The following SAMD3 variants were observed in gnomAD, a reference collection of about 807,000 sequenced individuals.
The protein encoded by SAMD3 is sterile alpha motif domain-containing protein 3.
In SAMD3, 63 loss-of-function variants were observed where a neutral mutation model predicts 58.5. The observed-to-expected ratio is 1.08, with a 90% CI of 0.88 to 1.33. The LOEUF is 1.33. Ranked by LOEUF, SAMD3 falls within the 40% of genes most tolerant of loss-of-function variation. The probability of loss-of-function intolerance (pLI) is 0.00; values close to 1 mark genes in which losing one functional copy is unlikely to be tolerated. For synonymous variants in SAMD3, 220 were observed against 210.3 expected (o/e 1.05, Z -0.40); for missense variants, 604 against 608.4 (o/e 0.99, Z 0.08).
chr6:130,358,460 G>A (rs1777897393), intron 1 of SAMD3, among the ~76,000 whole-genome samples: 1 of 152,272 alleles, frequency 6.6e-6, no homozygotes, highest in African/African-American at 2.4e-5. Context: ...TTCTGAAAAT[G>A]TGAAGGTGAA....
intron 1 of SAMD3, among the ~76,000 whole-genome samples, chr6:130,332,982 A>G (rs1776983021): frequency 6.6e-6 from 1 of 152,082 alleles, no homozygotes; most frequent in South Asian, 2.1e-4. Context: ...TTTAGTGATT[A>G]GAACATAATC....
intron 1 of SAMD3, among the ~76,000 whole-genome samples, chr6:130,348,266 A>T (rs1371265530): frequency 4.6e-5 from 7 of 152,236 alleles, no homozygotes; most frequent in Non-Finnish European, 8.8e-5. Flanking sequence ...TGCTCCAATT[A>T]AAAGAGACAG....
intron 8 of SAMD3, chr6:130,162,210 A>G: frequency 1.4e-6 from 1 of 699,724 alleles, no homozygotes. Context: ...CAGTAACCTA[A>G]GCTCTCACAG....
At chr6:130,343,768 C>A (rs534856263) in intron 1 of SAMD3, among the ~76,000 whole-genome samples, 15 of 152,260 alleles carry the variant, frequency 9.9e-5, no homozygotes, top group Admixed American at 2.6e-4. Context: ...GGTTTGAGAC[C>A]AGCCTAGCCA....
chr6:130,309,202 ACAGT>A (rs1326858161), intron 2 of SAMD3, among the ~76,000 whole-genome samples: 11 of 152,208 alleles, frequency 7.2e-5, no homozygotes, highest in Admixed American at 2.0e-4. Flanking sequence ...CATAGTATAA[ACAGT>A]CAGAAAATAC....
At chr6:130,241,349 G>A (rs1346494227) in intron 2 of SAMD3, among the ~76,000 whole-genome samples, 1 of 151,828 alleles carries the variant, frequency 6.6e-6, no homozygotes, top group Non-Finnish European at 1.5e-5. Flanking sequence ...CCAAGGAGCT[G>A]GGACTACAGG....
At chr6:130,269,738 T>C (rs2114934455) in intron 2 of SAMD3, among the ~76,000 whole-genome samples, 1 of 151,858 alleles carries the variant, frequency 6.6e-6, no homozygotes, top group East Asian at 2.0e-4. Context: ...CACTATTATA[T>C]CCTTCCTTCT....
At chr6:130,226,091 G>T (rs953461915), upstream of SAMD3, among the ~76,000 whole-genome samples, 1 of 152,228 alleles carries the variant, frequency 6.6e-6, no homozygotes, top group African/African-American at 2.4e-5. Flanking sequence ...CTTTTCCCAG[G>T]AAGGGGTATT....
At chr6:130,250,313 G>A (rs529070769) in intron 2 of SAMD3, among the ~76,000 whole-genome samples, 32 of 152,116 alleles carry the variant, frequency 2.1e-4, no homozygotes, top group Non-Finnish European at 4.3e-4. Context: ...GGTCTACCAG[G>A]CGCCCTTATT....
intron 8 of SAMD3, among the ~76,000 whole-genome samples, chr6:130,169,255 A>T (rs939173077): frequency 6.6e-6 from 1 of 152,076 alleles, no homozygotes; most frequent in African/African-American, 2.4e-5. Flanking sequence ...CACACTTCTT[A>T]GTGTTTGTAC....
chr6:130,160,146 A>C (rs1333328833), intron 8 of SAMD3: 2 of 152,244 alleles, frequency 1.3e-5, no homozygotes, highest in Non-Finnish European at 2.9e-5. Context: ...TCCTTGAAAA[A>C]AATCTTCACA....
chr6:130,214,317 C>T lies in SAMD3; in HGVS notation c.269+20G>A. 1 of 1,519,772 alleles carries T rather than the reference C, an allele frequency of 6.6e-7. No individual in the cohort carries two copies. The highest frequency in any genetic ancestry group is 8.8e-7 in the Non-Finnish European group (1 of 1,134,242). The allele number at this position is 1,519,772 out of a possible 1,614,324, so 94.1% of individuals were successfully genotyped here. A position where few individuals can be genotyped will look rare whatever the true frequency, so the allele number is the denominator to read the frequency against. ...GAAAGCTTGGGAAAAAAAAATAAGG[C>T]CATTTATGAACATACTCACTCTCGA... On this transcript the variant is annotated intron_variant, in intron 4 of 11. Coordinates refer to ENST00000439090, the MANE Select transcript of SAMD3 (RefSeq NM_001017373.4).
At chr6:130,205,990 CTT>C (rs1179933663) in intron 5 of SAMD3, among the ~76,000 whole-genome samples, 1 of 152,188 alleles carries the variant, frequency 6.6e-6, no homozygotes, top group East Asian at 1.9e-4. Flanking sequence ...GGCTCCAACA[CTT>C]TGGCTCACAG....
intron 1 of SAMD3, among the ~76,000 whole-genome samples, chr6:130,325,094 C>A (rs936283315): frequency 1.3e-5 from 2 of 152,066 alleles, no homozygotes; most frequent in African/African-American, 4.8e-5. Flanking sequence ...CTCTATCGAG[C>A]AGGTTTTTCC....
At chr6:130,193,637 C>T (rs1245321618) in intron 5 of SAMD3, among the ~76,000 whole-genome samples, 2 of 152,136 alleles carry the variant, frequency 1.3e-5, no homozygotes, top group East Asian at 3.9e-4. Flanking sequence ...CCTGTGCTCT[C>T]AAGAACTTAA....
chr6:130,349,430 T>C (rs2115033628), intron 1 of SAMD3, among the ~76,000 whole-genome samples: 1 of 152,236 alleles, frequency 6.6e-6, no homozygotes, highest in South Asian at 2.1e-4. Context: ...CAAACTACCA[T>C]CAGAGAATAC....
At chr6:130,318,231 A>C (rs138182816) in intron 1 of SAMD3, among the ~76,000 whole-genome samples, 1 of 152,152 alleles carries the variant, frequency 6.6e-6, no homozygotes, top group Admixed American at 6.5e-5. Flanking sequence ...TCATTAGTAC[A>C]GCTAAAGTCA....
intron 5 of SAMD3, among the ~76,000 whole-genome samples, chr6:130,203,874 A>G (rs1794849536): frequency 6.6e-6 from 1 of 152,170 alleles, no homozygotes; most frequent in Non-Finnish European, 1.5e-5. Flanking sequence ...TCCCTTTATT[A>G]CACACTGGTA....
At chr6:130,321,341 T>A (rs1430652257) in intron 1 of SAMD3, among the ~76,000 whole-genome samples, 1 of 152,152 alleles carries the variant, frequency 6.6e-6, no homozygotes, top group Admixed American at 6.5e-5. Context: ...TGGAAGCAGA[T>A]ACTCTCCCAG....
Sources: gnomAD v4.1 joint callset for allele counts (sites outside exome capture counted in the v4.1 genomes callset) on GRCh38, gnomAD v4.1.1 for gene constraint, MANE v1.5 for transcripts, NCBI Gene and HGNC (gene_info 2026-07-23, HGNC 2026-07-21) for gene names.